The following GALNT17 variants were observed in gnomAD, a reference collection of about 807,000 sequenced individuals.
The protein encoded by GALNT17 is polypeptide N-acetylgalactosaminyltransferase 17, also known as UDP-GalNAc:polypeptide N-acetylgalactosaminyltransferase-like 3.
In GALNT17, 29 loss-of-function variants were observed where a neutral mutation model predicts 63.7. The observed-to-expected ratio is 0.46, with a 90% CI of 0.34 to 0.62. GALNT17 has a LOEUF of 0.62. GALNT17 is among the 20% of genes least tolerant of loss of function. The pLI is 0.01. For synonymous variants in GALNT17, 305 were observed against 318.3 expected, an observed-to-expected ratio of 0.96 and a Z score of 0.45; for missense variants, 603 against 799.6, an observed-to-expected ratio of 0.75 and a Z score of 2.97.
chr7:71,504,949 T>C (rs1180847646), intron 5 of GALNT17, among the ~76,000 whole-genome samples: 2 of 152,144 alleles, frequency 1.3e-5, no homozygotes, highest in Non-Finnish European at 2.9e-5. Context: ...TGGTTTGCTT[T>C]CATCCCCTCC....
At chr7:71,465,359 T>C (rs373450309) in intron 5 of GALNT17, among the ~76,000 whole-genome samples, 3 of 152,154 alleles carry the variant, frequency 2.0e-5, no homozygotes, top group Non-Finnish European at 4.4e-5. Flanking sequence ...CTAAAAGATA[T>C]CACCCTTTGG....
rs148205075 is a variant in GALNT17, at chr7:71,210,095, G to A, written c.238+77055G>A. ...CTGCCACCATGCCTGGCTAATTTTT[G>A]TAGTTTTAGTAGAGATGGGGTTTCA... On this transcript the variant is annotated intron_variant, in intron 1 of 10. Coordinates refer to ENST00000333538, the MANE Select transcript of GALNT17 (RefSeq NM_022479.3). Among the ~76,000 whole-genome samples, 1,450 of 152,102 alleles carry A rather than the reference G, an allele frequency of 9.5e-3. 24 individuals carry two copies. The highest frequency in any genetic ancestry group is 0.033 in the African/African-American group (1,387 of 41,500).
At chr7:71,230,665 C>T (rs1339065678) in intron 1 of GALNT17, among the ~76,000 whole-genome samples, 2 of 152,038 alleles carry the variant, frequency 1.3e-5, no homozygotes, top group East Asian at 1.9e-4. Flanking sequence ...TGTCTGGGCA[C>T]CTATAGGAAG....
chr7:71,580,083 A>G (rs566857088), intron 6 of GALNT17, among the ~76,000 whole-genome samples: 2 of 152,272 alleles, frequency 1.3e-5, no homozygotes, highest in South Asian at 2.1e-4. Context: ...TAGATGAAAT[A>G]TATAGGTATG....
intron 6 of GALNT17, among the ~76,000 whole-genome samples, chr7:71,576,950 A>C (rs772108086): frequency 1.3e-5 from 2 of 152,222 alleles, no homozygotes; most frequent in Non-Finnish European, 2.9e-5. Flanking sequence ...TGGCAAAGAC[A>C]TAGAATCAAC....
chr7:71,545,590 G>A (rs911931945), intron 5 of GALNT17, among the ~76,000 whole-genome samples: 4 of 152,094 alleles, frequency 2.6e-5, no homozygotes, highest in Non-Finnish European at 5.9e-5. Context: ...GGCTTCTAGC[G>A]ATCCACCTGC....
chr7:71,540,929 G>A (rs907406240), intron 5 of GALNT17, among the ~76,000 whole-genome samples: 1 of 152,020 alleles, frequency 6.6e-6, no homozygotes, highest in Admixed American at 6.6e-5. Context: ...AAGACACATC[G>A]AAGAGTTATG....
rs141970638 is a variant in GALNT17, at chr7:71,488,350, A to T, written c.962+67245A>T. 1.8e-3 allele frequency among the ~76,000 whole-genome samples: 272 copies of T among 152,122 alleles called. 4 individuals are homozygous for T. Among genetic ancestry groups the T allele is most frequent in the Non-Finnish European group, 3.0e-3 (205 of 68,002 alleles). On this transcript the variant is annotated intron_variant, in intron 5 of 10. Transcript: ENST00000333538. ...CCAGCATCCCATCTGCCTGGAGTAC[A>T]GCGTAGTCCTTCCAGTCTTTGCTGT... is the stretch of plus-strand genomic sequence containing the variant.
At chr7:71,481,785 A>G (rs540768351) in intron 5 of GALNT17, among the ~76,000 whole-genome samples, 1 of 151,878 alleles carries the variant, frequency 6.6e-6, no homozygotes, top group South Asian at 2.1e-4. Flanking sequence ...ACGAAACCCA[A>G]GGTCAGAGGC....
At chr7:71,336,032 C>CTTTTTTTTTTTTT (rs1167623885) in intron 2 of GALNT17, among the ~76,000 whole-genome samples, 4 of 21,286 alleles carry the variant, frequency 1.9e-4, no homozygotes, top group Admixed American at 5.7e-4. Context: ...TTCTTTCTTC[C>CTTTTTTTTTTTTT]TTTTTTTTTT....
At chr7:71,264,278 G>T (rs951138288) in intron 1 of GALNT17, among the ~76,000 whole-genome samples, 1 of 152,088 alleles carries the variant, frequency 6.6e-6, no homozygotes, top group African/African-American at 2.4e-5. Flanking sequence ...ACAGCTGAAG[G>T]ACACAACCCT....
At chr7:71,521,412 C>G (rs1584022478) in intron 5 of GALNT17, among the ~76,000 whole-genome samples, 1 of 152,168 alleles carries the variant, frequency 6.6e-6, no homozygotes, top group Admixed American at 6.5e-5. Flanking sequence ...ATCTACCATT[C>G]GTGTCCATCT....
intron 5 of GALNT17, among the ~76,000 whole-genome samples, chr7:71,531,328 TTAACA>T (rs1011933127): frequency 4.6e-5 from 7 of 152,114 alleles, no homozygotes; most frequent in African/African-American, 1.7e-4. Context: ...ATGAGAACAC[TTAACA>T]TAAGATCTAC....
At chr7:71,556,886 T>G (rs1789173258) in intron 5 of GALNT17, among the ~76,000 whole-genome samples, 1 of 152,030 alleles carries the variant, frequency 6.6e-6, no homozygotes, top group Non-Finnish European at 1.5e-5. Flanking sequence ...AATCTTATTT[T>G]GCTCTTTGTC....
chr7:71,396,229 A>G (rs1793137723), intron 3 of GALNT17, among the ~76,000 whole-genome samples: 1 of 152,116 alleles, frequency 6.6e-6, no homozygotes, highest in Non-Finnish European at 1.5e-5. Flanking sequence ...GTTTTCTTCT[A>G]AGAGTTTTAT....
rs1218025078 is a variant in GALNT17, at chr7:71,355,090, A to G, written c.422+19357A>G. Among the ~76,000 whole-genome samples, 4 of 152,008 alleles carry G rather than the reference A, an allele frequency of 2.6e-5. No homozygotes were observed. In the East Asian group the frequency reaches 5.8e-4, roughly 22 times the overall value. On this transcript the variant is annotated intron_variant, in intron 2 of 10. Transcript: ENST00000333538. ...GTATTTGTGCTTTCTCTTTTTTCCC[A>G]TAAGTTAGTTAAATGTGGTCTACTT...
chr7:71,616,584 T>G (rs1790207070), intron 6 of GALNT17, among the ~76,000 whole-genome samples: 1 of 145,900 alleles, frequency 6.9e-6, no homozygotes, highest in Non-Finnish European at 1.5e-5. Context: ...ATATTCTGGA[T>G]ATTAGGCCTT....
intron 5 of GALNT17, among the ~76,000 whole-genome samples, chr7:71,515,384 A>G (rs1788428497): frequency 6.6e-6 from 1 of 152,168 alleles, no homozygotes; most frequent in Admixed American, 6.5e-5. Flanking sequence ...CTGTGTCTAC[A>G]TTACTAGTCT....
intron 1 of GALNT17, among the ~76,000 whole-genome samples, chr7:71,181,409 G>T (rs766441527): frequency 6.6e-6 from 1 of 152,288 alleles, no homozygotes; most frequent in Non-Finnish European, 1.5e-5. Flanking sequence ...GGAGGGTCAA[G>T]GGTAACCTTT....
Sources: gnomAD v4.1 joint callset for allele counts (sites outside exome capture counted in the v4.1 genomes callset) on GRCh38, gnomAD v4.1.1 for gene constraint, MANE v1.5 for transcripts, NCBI Gene and HGNC (gene_info 2026-07-23, HGNC 2026-07-21) for gene names.